MEIS1: variants seen among roughly 807,000 people sequenced by gnomAD.
MEIS1 encodes the protein Meis homeobox 1.
MEIS1 carries 5 observed loss-of-function variants against 50.8 expected under a neutral mutation model. That is an observed-to-expected ratio of 0.10 (90% confidence interval 0.05 to 0.21). The LOEUF is 0.21. MEIS1 is among the 10% of genes least tolerant of loss of function. The pLI, the probability that MEIS1 is intolerant of heterozygous loss-of-function variation, is 1.00. For missense variants in MEIS1, 318 were observed against 517.3 expected (o/e 0.61, Z 3.74); for synonymous variants, 176 against 179.3 (o/e 0.98, Z 0.15).
rs779024600 is a variant in MEIS1 at position 66,568,680 on chromosome 2, A to G, written c.1038A>G (p.Thr346=). The G allele has an allele frequency of 1.2e-6, 2 of 1,613,526 alleles. No homozygotes were observed. Among genetic ancestry groups the G allele is most frequent in the African/African-American group, 2.7e-5 (2 of 74,892 alleles). The change falls in exon 11 of 13, where the codon ACA becomes ACG. Residue 346 remains threonine, a synonymous_variant. Transcript: ENST00000272369. ...GTACTTTTGTAGTAAGTCAAGGAAC[A>G]CCTTATAATCCTGATGGACAGCCCA... ...DQSNRAVSQG[T]PYNPDGQPMG... is the part of the protein sequence containing the mutation.
intron 4 of MEIS1, chr2:66,440,956 C>A: frequency 2.8e-6 from 1 of 354,946 alleles, no homozygotes. Context: ...AGTCCCATCA[C>A]GAGGGCAGCC....
At chr2:66,529,247 C>A (rs1238051776) in intron 8 of MEIS1, among the ~76,000 whole-genome samples, 1 of 152,096 alleles carries the variant, frequency 6.6e-6, no homozygotes, top group South Asian at 2.1e-4. Flanking sequence ...AGGATTTAAT[C>A]TTTGCTCTGT....
chr2:66,557,828 G>T (rs1411390944), intron 9 of MEIS1, among the ~76,000 whole-genome samples: 2 of 152,064 alleles, frequency 1.3e-5, no homozygotes, highest in Admixed American at 6.6e-5. Context: ...CTTTTCATTC[G>T]ATCATCCCAA....
intron 8 of MEIS1, among the ~76,000 whole-genome samples, chr2:66,525,677 A>C (rs1674232089): frequency 6.6e-6 from 1 of 152,250 alleles, no homozygotes; most frequent in South Asian, 2.1e-4. Flanking sequence ...GCTCTGCAGA[A>C]AGACAGACTG....
chr2:66,473,397 A>ATATATAT (rs1553373465), intron 7 of MEIS1, among the ~76,000 whole-genome samples: 1 of 107,594 alleles, frequency 9.3e-6, no homozygotes, highest in African/African-American at 5.8e-5. Flanking sequence ...AAAAAAAAAA[A>ATATATAT]ATATATATAT....
At chr2:66,570,596 T>A (rs1023989151) in intron 12 of MEIS1, 1 of 152,272 alleles carries the variant, frequency 6.6e-6, no homozygotes, top group Admixed American at 6.5e-5. Flanking sequence ...ATTATGGAGC[T>A]TATAGCTCTC....
At chr2:66,481,280 A>T (rs1158431843) in intron 7 of MEIS1, among the ~76,000 whole-genome samples, 2 of 152,190 alleles carry the variant, frequency 1.3e-5, no homozygotes, top group Admixed American at 1.3e-4. Flanking sequence ...GCTAGGAAAG[A>T]CTTCTGTGTT....
chr2:66,517,309 G>A (rs941794951), intron 8 of MEIS1, among the ~76,000 whole-genome samples: 5 of 152,148 alleles, frequency 3.3e-5, no homozygotes, highest in Non-Finnish European at 7.4e-5. Context: ...AAGGGAAGTG[G>A]CTTGTGGAGA....
At chr2:66,530,194 A>AG (rs1386718306) in intron 8 of MEIS1, among the ~76,000 whole-genome samples, 1 of 122,894 alleles carries the variant, frequency 8.1e-6, no homozygotes, top group Non-Finnish European at 1.9e-5. Context: ...CAGTAGGCAA[A>AG]GCAAAAAAAA....
In MEIS1 at chr2:66,571,638, C is replaced by T; in HGVS notation, c.*430C>T. On this transcript the variant is annotated 3_prime_UTR_variant, in exon 13 of 13. Coordinates refer to ENST00000272369, the MANE Select transcript of MEIS1 (RefSeq NM_002398.3). ...CATCTACTCTGGACCAAGGAGCATC[C>T]CTAATTCTTCATAGGGACCTTTAAA... is the stretch of plus-strand genomic sequence containing the variant. The T allele has an allele frequency of 7.6e-7, 1 of 1,312,872 alleles. No homozygotes were observed. The highest frequency in any genetic ancestry group is 1.0e-6 in the Non-Finnish European group (1 of 953,892). 81.3% of individuals were successfully genotyped at this position (1,312,872 alleles called of 1,614,324 possible). A position where few individuals can be genotyped will look rare whatever the true frequency, so the allele number is the denominator to read the frequency against.
chr2:66,484,907 G>A lies in MEIS1; in HGVS notation c.742+20687G>A, dbSNP rs544721695. ...GTGGTGATGACTCTGTTCTGTTGGG[G>A]CACCATACAGTGAAAATGTCCAAAG... On this transcript the variant is annotated intron_variant, in intron 7 of 12. Transcript: ENST00000272369. 9.2e-5 allele frequency among the ~76,000 whole-genome samples: 14 copies of A among 152,182 alleles called. No individual in the cohort carries two copies. The South Asian group carries it at 2.7e-3, about 29-fold the overall frequency.
chr2:66,479,513 T>C (rs1672969204), intron 7 of MEIS1, among the ~76,000 whole-genome samples: 1 of 152,366 alleles, frequency 6.6e-6, no homozygotes, highest in Non-Finnish European at 1.5e-5. Context: ...ATGATGTTTC[T>C]ATGATTTATG....
intron 8 of MEIS1, among the ~76,000 whole-genome samples, chr2:66,525,945 A>G (rs1674240516): frequency 6.6e-6 from 1 of 152,054 alleles, no homozygotes; most frequent in Admixed American, 6.6e-5. Flanking sequence ...TAACAGAATC[A>G]CTCACTGCAG....
chr2:66,520,578 A>G (rs1219972974), intron 8 of MEIS1, among the ~76,000 whole-genome samples: 1 of 152,194 alleles, frequency 6.6e-6, no homozygotes, highest in Non-Finnish European at 1.5e-5. Context: ...TCCTGCCTGC[A>G]TAATGTGACT....
chr2:66,503,681 G>A (rs1454015784), intron 7 of MEIS1, among the ~76,000 whole-genome samples: 1 of 148,970 alleles, frequency 6.7e-6, no homozygotes, highest in Non-Finnish European at 1.5e-5. Context: ...GTTGTTAAAT[G>A]AATGAACGAA....
At chr2:66,542,890 C>T (rs921579588) in intron 8 of MEIS1, among the ~76,000 whole-genome samples, 8 of 152,112 alleles carry the variant, frequency 5.3e-5, no homozygotes, top group African/African-American at 1.9e-4. Flanking sequence ...TACATTTGGT[C>T]AAAGATATTA....
In MEIS1 at chr2:66,549,588, T is replaced by A. The variant is rs564201781; in HGVS notation, c.965+1569T>A. Among the ~76,000 whole-genome samples the A allele has an allele frequency of 5.5e-4, 84 of 152,282 alleles. 1 individual carries two copies. Among genetic ancestry groups the A allele is most frequent in the African/African-American group, 1.9e-3 (80 of 41,558 alleles). ...AGACCATCAATTTTGCGTGCACATC[T>A]AGATTCATATATCTGTATTTTAAAA... On this transcript the variant is annotated intron_variant, in intron 9 of 12. Coordinates refer to ENST00000272369, the MANE Select transcript of MEIS1 (RefSeq NM_002398.3).
intron 8 of MEIS1, among the ~76,000 whole-genome samples, chr2:66,524,486 G>A (rs955464656): frequency 1.3e-5 from 2 of 152,062 alleles, no homozygotes; most frequent in African/African-American, 2.4e-5. Context: ...TTGAGCCCAG[G>A]TGTGTTAGGC....
chr2:66,498,818 G>A (rs1313082284), intron 7 of MEIS1, among the ~76,000 whole-genome samples: 1 of 152,204 alleles, frequency 6.6e-6, no homozygotes, highest in Non-Finnish European at 1.5e-5. Context: ...TGGACTGGCA[G>A]TGTGGCCTCG....
Sources: gnomAD v4.1 joint callset for allele counts (sites outside exome capture counted in the v4.1 genomes callset) on GRCh38, gnomAD v4.1.1 for gene constraint, MANE v1.5 for transcripts, NCBI Gene and HGNC (gene_info 2026-07-23, HGNC 2026-07-21) for gene names.